The following PALD1 variants were observed in gnomAD, a reference collection of about 807,000 sequenced individuals.
PALD1 encodes the protein paladin.
PALD1 carries 57 observed loss-of-function variants against 96.0 expected under a neutral mutation model. That is an observed-to-expected ratio of 0.59 (90% CI 0.48 to 0.74). The LOEUF is 0.74. Ranked by LOEUF, PALD1 falls within the 30% of genes least tolerant of loss-of-function variation. The probability of loss-of-function intolerance (pLI) is 0.00; values close to 1 mark genes in which losing one functional copy is unlikely to be tolerated. For synonymous variants in PALD1, 464 were observed against 473.6 expected, an observed-to-expected ratio of 0.98 and a Z score of 0.26; for missense variants, 1,063 against 1,143.7, an observed-to-expected ratio of 0.93 and a Z score of 1.02.
chr10:70,507,447 C>A (rs1294480218), intron 1 of PALD1, among the ~76,000 whole-genome samples: 1 of 152,122 alleles, frequency 6.6e-6, no homozygotes, highest in African/African-American at 2.4e-5. Context: ...ATTTTAGAGA[C>A]AGGGTCTTGC....
intron 4 of PALD1, among the ~76,000 whole-genome samples, chr10:70,530,707 A>AGTT (rs1846974503): frequency 6.6e-6 from 1 of 152,172 alleles, no homozygotes; most frequent in Non-Finnish European, 1.5e-5. Context: ...GTTAAGGTGG[A>AGTT]AAGGCTTTGA....
At chr10:70,559,283 G>A (rs557678398) in intron 18 of PALD1, among the ~76,000 whole-genome samples, 8 of 152,210 alleles carry the variant, frequency 5.3e-5, no homozygotes, top group Admixed American at 1.3e-4. Flanking sequence ...TGTGGCTTGC[G>A]TGCAGTCCCC....
intron 1 of PALD1, among the ~76,000 whole-genome samples, chr10:70,501,765 C>T (rs762642924): frequency 2.0e-5 from 3 of 150,820 alleles, no homozygotes; most frequent in Non-Finnish European, 2.9e-5. Context: ...GAGATAAGTA[C>T]GGTTCACCAT....
At position 70,547,405 on chromosome 10, in the gene PALD1, C is replaced by T; in HGVS notation, c.2221C>T (p.His741Tyr). 1 of 1,612,808 alleles carries T rather than the reference C, an allele frequency of 6.2e-7. No homozygotes were observed. Among genetic ancestry groups the T allele is most frequent in the South Asian group, 1.1e-5 (1 of 91,058 alleles). Residue 741 changes from histidine (H) to tyrosine (Y), a missense_variant, in exon 18 of 20, where the codon CAC becomes TAC. Coordinates refer to ENST00000263563, the MANE Select transcript of PALD1 (RefSeq NM_014431.3). ...DTVSETMTPM[H>Y]YHLREIIICT... is the part of the protein sequence containing the mutation. ...TGTCAGCGAGACCATGACGCCCATG[C>T]ACTACCACCTGCGGGAGATCATCAT... is the stretch of plus-strand genomic sequence containing the variant.
chr10:70,473,899 C>A (rs919876273), upstream of PALD1, among the ~76,000 whole-genome samples: 21 of 152,092 alleles, frequency 1.4e-4, no homozygotes, highest in African/African-American at 4.8e-4. Context: ...CCACCCCCCC[C>A]CCCTCAGCCT....
intron 2 of PALD1, among the ~76,000 whole-genome samples, chr10:70,527,015 T>C (rs1421680336): frequency 6.6e-6 from 1 of 152,174 alleles, no homozygotes; most frequent in Non-Finnish European, 1.5e-5. Flanking sequence ...ACCATCATCA[T>C]AATCAATTCT....
At chr10:70,508,820 CAG>C (rs1564690533) in intron 1 of PALD1, among the ~76,000 whole-genome samples, 9 of 55,904 alleles carry the variant, frequency 1.6e-4, no homozygotes, top group Non-Finnish European at 2.1e-4. Flanking sequence ...TGTGTGTGTG[CAG>C]GCCTGTGGGA....
chr10:70,496,011 AAACAACAAC>A (rs138584752), intron 1 of PALD1, among the ~76,000 whole-genome samples: 7 of 150,928 alleles, frequency 4.6e-5, no homozygotes, highest in Admixed American at 3.3e-4. Flanking sequence ...ACTCTATCTC[AAACAACAAC>A]AACAACAACA....
chr10:70,484,200 A>T (rs1845978867), intron 1 of PALD1, among the ~76,000 whole-genome samples: 1 of 152,036 alleles, frequency 6.6e-6, no homozygotes, highest in African/African-American at 2.4e-5. Context: ...ATGGGGTTTC[A>T]CCGCATTGGC....
rs111311740 is a variant in PALD1 at position 70,515,533 on chromosome 10, G to A, written c.-29-10390G>A. ...GGGCGAGGCCCCTGGTTCTAGTCCT[G>A]GTCCTGAAGGTTCACGTCTGTGGCA... On this transcript the variant is annotated intron_variant, in intron 1 of 19. Transcript: ENST00000263563. 4.4e-3 allele frequency among the ~76,000 whole-genome samples: 672 copies of A among 152,346 alleles called. 4 individuals are homozygous for A. The highest frequency in any genetic ancestry group is 0.015 in the African/African-American group (614 of 41,584).
At chr10:70,537,279 T>A (rs1349548916) in intron 10 of PALD1, among the ~76,000 whole-genome samples, 1 of 151,310 alleles carries the variant, frequency 6.6e-6, no homozygotes, top group Non-Finnish European at 1.5e-5. Flanking sequence ...AATTTTTGTA[T>A]TTTTTTATAG....
chr10:70,512,344 A>G (rs1846530837), intron 1 of PALD1, among the ~76,000 whole-genome samples: 1 of 151,902 alleles, frequency 6.6e-6, no homozygotes, highest in Non-Finnish European at 1.5e-5. Context: ...GCTGGACCAG[A>G]GCTTCAGGGC....
chr10:70,556,287 T>TCCCC (rs770814027), intron 18 of PALD1, among the ~76,000 whole-genome samples: 24 of 146,338 alleles, frequency 1.6e-4, no homozygotes, highest in Non-Finnish European at 2.1e-4. Context: ...GACCTCTCTC[T>TCCCC]CTCTCTCTCT....
chr10:70,543,061 GTT>G (rs57980012), intron 17 of PALD1, among the ~76,000 whole-genome samples: 1,378 of 123,024 alleles, frequency 0.011, 23 homozygotes, highest in African/African-American at 0.038. Context: ...GTGCCCAGCC[GTT>G]TTTTTTTTTT....
chr10:70,470,633 G>A, the PALD1 span, among the ~76,000 whole-genome samples: 7 of 148,196 alleles, frequency 4.7e-5, no homozygotes, highest in African/African-American at 1.7e-4. Flanking sequence ...TTTTGACACA[G>A]GATCTTACTC....
chr10:70,522,031 A>G (rs1050391186), intron 1 of PALD1, among the ~76,000 whole-genome samples: 8 of 152,206 alleles, frequency 5.3e-5, no homozygotes, highest in African/African-American at 1.9e-4. Context: ...GTATTATTGC[A>G]CTAATAAGAT....
At chr10:70,542,747 C>T (rs751382470) in intron 17 of PALD1, among the ~76,000 whole-genome samples, 9 of 152,180 alleles carry the variant, frequency 5.9e-5, no homozygotes, top group Non-Finnish European at 1.0e-4. Flanking sequence ...GCATAGTGCA[C>T]GTAGCTGAGT....
chr10:70,555,154 T>C (rs1450646365), intron 18 of PALD1, among the ~76,000 whole-genome samples: 1 of 149,220 alleles, frequency 6.7e-6, no homozygotes, highest in African/African-American at 2.5e-5. Flanking sequence ...TTTGTATTTT[T>C]ACTAGAGCCG....
chr10:70,557,865 G>A (rs1424687178), intron 18 of PALD1, among the ~76,000 whole-genome samples: 1 of 151,902 alleles, frequency 6.6e-6, no homozygotes, highest in African/African-American at 2.4e-5. Flanking sequence ...GGGGTGGCAG[G>A]GTGGGGAGTG....
Sources: allele counts gnomAD v4.1 joint callset (sites outside exome capture counted in the v4.1 genomes callset), GRCh38; gene constraint gnomAD v4.1.1; transcripts MANE v1.5; gene names NCBI Gene and HGNC (gene_info 2026-07-23, HGNC 2026-07-21).